Variants in PLD5 observed in about 807,000 individuals in gnomAD.
PLD5 encodes the protein phospholipase D family member 5, also known as inactive phospholipase D5.
Under a neutral mutation model 61.1 loss-of-function variants are expected in PLD5, and 36 were observed. That is an observed-to-expected ratio of 0.59 (90% CI 0.45 to 0.78). The LOEUF (loss-of-function observed/expected upper bound fraction) is 0.78. Ranked by LOEUF, PLD5 falls within the 30% of genes least tolerant of loss-of-function variation. The pLI is 0.00. For missense variants in PLD5, 515 were observed against 644.4 expected (o/e 0.80, Z 2.17); for synonymous variants, 243 against 242.8 (o/e 1.00, Z -0.01).
intron 2 of PLD5, among the ~76,000 whole-genome samples, chr1:242,311,365 C>T (rs1676687926): frequency 6.6e-6 from 1 of 152,152 alleles, no homozygotes; most frequent in Non-Finnish European, 1.5e-5. Context: ...CAAACATCTG[C>T]AGGTTTTATT....
chr1:242,133,623 C>T (rs1167315241), intron 5 of PLD5, among the ~76,000 whole-genome samples: 3 of 152,118 alleles, frequency 2.0e-5, no homozygotes, highest in Middle Eastern at 3.2e-3. Context: ...CCTTCCCTCC[C>T]TCCTTTCCTT....
intron 8 of PLD5, among the ~76,000 whole-genome samples, chr1:242,104,628 C>T (rs910094757): frequency 2.0e-5 from 3 of 152,120 alleles, no homozygotes; most frequent in African/African-American, 7.2e-5. Flanking sequence ...GCTTCAGTTC[C>T]CATGTCTATA....
chr1:242,330,185 C>A (rs1659085578), intron 2 of PLD5, among the ~76,000 whole-genome samples: 1 of 152,154 alleles, frequency 6.6e-6, no homozygotes, highest in African/African-American at 2.4e-5. Context: ...CCTTCATCAG[C>A]CATATTATTA....
At chr1:242,290,981 C>G (rs959013043) in intron 2 of PLD5, among the ~76,000 whole-genome samples, 3 of 152,110 alleles carry the variant, frequency 2.0e-5, no homozygotes, top group African/African-American at 7.2e-5. Flanking sequence ...TGCCCTTGAC[C>G]CGCCCCCACA....
intron 3 of PLD5, among the ~76,000 whole-genome samples, chr1:242,273,124 T>C (rs1043149529): frequency 6.6e-6 from 1 of 151,824 alleles, no homozygotes; most frequent in Non-Finnish European, 1.5e-5. Flanking sequence ...CCCCTCCCTG[T>C]GTCCATGTGT....
chr1:242,091,107 T>A (rs1659788514), intron 9 of PLD5, among the ~76,000 whole-genome samples: 1 of 152,026 alleles, frequency 6.6e-6, no homozygotes, highest in Non-Finnish European at 1.5e-5. Flanking sequence ...CATGTCTCTG[T>A]CCAAATTTCC....
chr1:242,137,680 T>C (rs1484973095), intron 5 of PLD5, among the ~76,000 whole-genome samples: 4 of 152,094 alleles, frequency 2.6e-5, no homozygotes, highest in African/African-American at 7.2e-5. Context: ...AAGTGTACCA[T>C]GAGCAGCAGG....
chr1:242,479,309 A>G (rs1667695759), intron 1 of PLD5, among the ~76,000 whole-genome samples: 1 of 152,254 alleles, frequency 6.6e-6, no homozygotes, highest in African/African-American at 2.4e-5. Flanking sequence ...TTTAAAAAAC[A>G]GCTACTATTA....
intron 5 of PLD5, among the ~76,000 whole-genome samples, chr1:242,144,823 T>C (rs1235935602): frequency 6.6e-6 from 1 of 152,032 alleles, no homozygotes; most frequent in East Asian, 1.9e-4. Flanking sequence ...GAGACAAAGC[T>C]GACTCCTGGG....
chr1:242,347,468 T>C (rs1224369533), intron 2 of PLD5, among the ~76,000 whole-genome samples: 1 of 152,160 alleles, frequency 6.6e-6, no homozygotes, highest in Non-Finnish European at 1.5e-5. Context: ...TGGTAGCAGC[T>C]CAAAGAAGAG....
At chr1:242,487,113 A>G (rs2102970824) in intron 1 of PLD5, among the ~76,000 whole-genome samples, 1 of 152,292 alleles carries the variant, frequency 6.6e-6, no homozygotes, top group South Asian at 2.1e-4. Context: ...TTAATGTTAA[A>G]TGACGAGTTA....
intron 1 of PLD5, among the ~76,000 whole-genome samples, chr1:242,440,002 T>C (rs910455349): frequency 3.3e-5 from 5 of 152,162 alleles, no homozygotes; most frequent in African/African-American, 1.2e-4. Context: ...AGCCCAGTGT[T>C]GGGTGTTCTT....
chr1:242,132,310 C>A (rs539611977), intron 5 of PLD5, among the ~76,000 whole-genome samples: 1 of 146,854 alleles, frequency 6.8e-6, no homozygotes, highest in African/African-American at 2.5e-5. Context: ...CTGATGGATG[C>A]TGTTGTCATC....
intron 5 of PLD5, among the ~76,000 whole-genome samples, chr1:242,168,452 A>G (rs1666481432): frequency 6.6e-6 from 1 of 152,120 alleles, no homozygotes; most frequent in South Asian, 2.1e-4. Flanking sequence ...CCAAGTTTAT[A>G]GTAATAAGTA....
At chr1:242,399,373 G>C (rs1315968514) in intron 1 of PLD5, among the ~76,000 whole-genome samples, 5 of 152,116 alleles carry the variant, frequency 3.3e-5, no homozygotes, top group Non-Finnish European at 4.4e-5. Flanking sequence ...GCTTGAAAAA[G>C]ATGTTGGCAC....
intron 1 of PLD5, among the ~76,000 whole-genome samples, chr1:242,423,365 A>G (rs577774690): frequency 6.6e-6 from 1 of 152,284 alleles, no homozygotes; most frequent in African/African-American, 2.4e-5. Flanking sequence ...TACATGGATA[A>G]AAGTGGGGTG....
At chr1:242,235,968 T>A (rs564115380) in intron 4 of PLD5, 1 of 152,352 alleles carries the variant, frequency 6.6e-6, no homozygotes, top group African/African-American at 2.4e-5. Context: ...TAATCATGAC[T>A]TTCAGTGGCA....
At chr1:242,450,247 T>G (rs1666727635) in intron 1 of PLD5, among the ~76,000 whole-genome samples, 1 of 152,214 alleles carries the variant, frequency 6.6e-6, no homozygotes, top group Admixed American at 6.5e-5. Flanking sequence ...AGAATAATAG[T>G]ACACATAAGC....
intron 1 of PLD5, among the ~76,000 whole-genome samples, chr1:242,457,010 A>C (rs1250390963): frequency 6.6e-6 from 1 of 152,238 alleles, no homozygotes; most frequent in Non-Finnish European, 1.5e-5. Context: ...ACTCTCGCTT[A>C]TTCTGTTTCT....
Sources: allele counts gnomAD v4.1 joint callset (sites outside exome capture counted in the v4.1 genomes callset), GRCh38; gene constraint gnomAD v4.1.1; transcripts MANE v1.5; gene names NCBI Gene and HGNC (gene_info 2026-07-23, HGNC 2026-07-21).